The following SLCO5A1 variants were observed in gnomAD, a reference collection of about 807,000 sequenced individuals.
SLCO5A1 encodes solute carrier organic anion transporter family member 5A1.
In SLCO5A1, 39 loss-of-function variants were observed where a neutral mutation model predicts 65.1. That is an observed-to-expected ratio of 0.60 (90% CI 0.46 to 0.78). SLCO5A1 has a LOEUF of 0.78. Ranked by LOEUF, SLCO5A1 falls within the 30% of genes least tolerant of loss-of-function variation. SLCO5A1 has a pLI of 0.00. For missense variants in SLCO5A1, 1,029 were observed against 1,069.4 expected, an observed-to-expected ratio of 0.96 and a Z score of 0.53; for synonymous variants, 438 against 415.7, an observed-to-expected ratio of 1.05 and a Z score of -0.65.
rs184362810 is a variant in SLCO5A1 at position 69,673,014 on chromosome 8, T to C, written c.2402A>G (p.Gln801Arg). Residue 801 changes from glutamine (Q) to arginine (R), a missense_variant, in exon 10 of 10, where the codon CAG becomes CGG. By Grantham distance (43) the Gln-to-Arg change is conservative (BLOSUM62 1). Coordinates refer to ENST00000260126, the MANE Select transcript of SLCO5A1 (RefSeq NM_030958.3). Reference sequence around the variant, plus strand: ...GCCAGTCTCTTCGTGGAATTCTCCCTGGGTGCTGAAAGCTGGGCAAGATCT... The same window carrying C: ...GCCAGTCTCTTCGTGGAATTCTCCCCGGGTGCTGAAAGCTGGGCAAGATCT... ...RTRSCPAFST[Q>R]GEFHEETGLQ... 2.5e-5 allele frequency: 41 copies of C among 1,614,090 alleles called. No individual in the cohort carries two copies. Among genetic ancestry groups the C allele is most frequent in the Non-Finnish European group, 3.3e-5 (39 of 1,180,046 alleles).
intron 2 of SLCO5A1, among the ~76,000 whole-genome samples, chr8:69,767,919 A>AAAAAAG (rs1563712367): frequency 1.1e-5 from 1 of 90,694 alleles, no homozygotes; most frequent in Non-Finnish European, 2.0e-5. Flanking sequence ...AAACAAAAAG[A>AAAAAAG]AAAAGAAAAA....
chr8:69,690,657 A>G (rs1814221982), intron 6 of SLCO5A1, among the ~76,000 whole-genome samples: 1 of 152,224 alleles, frequency 6.6e-6, no homozygotes, highest in African/African-American at 2.4e-5. Context: ...TAATTTCTAT[A>G]GTCTGAATAC....
At chr8:69,741,499 G>A (rs755713385) in intron 4 of SLCO5A1, among the ~76,000 whole-genome samples, 3 of 152,082 alleles carry the variant, frequency 2.0e-5, no homozygotes, top group Non-Finnish European at 4.4e-5. Flanking sequence ...ACAAATAATA[G>A]GTGTCAAATG....
intron 5 of SLCO5A1, among the ~76,000 whole-genome samples, chr8:69,725,675 T>C (rs1244255026): frequency 2.0e-5 from 3 of 152,162 alleles, no homozygotes; most frequent in Non-Finnish European, 4.4e-5. Flanking sequence ...CTAATTCAAA[T>C]CCTCATTGTA....
intron 2 of SLCO5A1, among the ~76,000 whole-genome samples, chr8:69,795,453 A>G (rs1424482140): frequency 6.6e-6 from 1 of 152,250 alleles, no homozygotes; most frequent in Non-Finnish European, 1.5e-5. Flanking sequence ...CCAGCAAGGC[A>G]GTCATTAAAT....
chr8:69,726,494 T>TC (rs148354530), intron 5 of SLCO5A1, among the ~76,000 whole-genome samples: 12,767 of 131,658 alleles, frequency 0.097, 841 homozygotes, highest in African/African-American at 0.13. Flanking sequence ...TTTTCCTACC[T>TC]CCTTTTTTTT....
intron 5 of SLCO5A1, among the ~76,000 whole-genome samples, chr8:69,706,908 G>T (rs1018036989): frequency 6.6e-6 from 1 of 152,196 alleles, no homozygotes; most frequent in African/African-American, 2.4e-5. Context: ...AGCACTTTGG[G>T]AGGCCGAGGC....
At position 69,755,652 on chromosome 8, in the gene SLCO5A1, G is replaced by A. The variant is rs1400398210; in HGVS notation, c.1041-11C>T. On this transcript the variant is annotated splice_polypyrimidine_tract_variant and intron_variant, in intron 3 of 9. Transcript: ENST00000260126. ...AGGAATCCACTCCACCTAAAAAATTGGAAAATGTGAATAGCATTTACGTCT... is the reference window on the plus strand; with the variant it reads ...AGGAATCCACTCCACCTAAAAAATTAGAAAATGTGAATAGCATTTACGTCT... 1.2e-6 allele frequency: 2 copies of A among 1,602,048 alleles called. No individual in the cohort carries two copies. Among genetic ancestry groups the A allele is most frequent in the African/African-American group, 1.3e-5 (1 of 74,254 alleles).
intron 4 of SLCO5A1, among the ~76,000 whole-genome samples, chr8:69,744,544 A>G (rs1163266732): frequency 6.6e-6 from 1 of 152,156 alleles, no homozygotes; most frequent in Admixed American, 6.5e-5. Flanking sequence ...CTAGTCATCA[A>G]TTCTTAGGTA....
intron 5 of SLCO5A1, among the ~76,000 whole-genome samples, chr8:69,734,522 C>T (rs557590174): frequency 6.6e-6 from 1 of 152,302 alleles, no homozygotes; most frequent in Admixed American, 6.5e-5. Context: ...TCTCTCTCCT[C>T]TTAGATGTGT....
At chr8:69,774,420 G>A (rs535061732) in intron 2 of SLCO5A1, among the ~76,000 whole-genome samples, 9 of 152,142 alleles carry the variant, frequency 5.9e-5, no homozygotes, top group Non-Finnish European at 1.3e-4. Flanking sequence ...GGTTTGCTGG[G>A]TCCTCAGAGC....
intron 4 of SLCO5A1, among the ~76,000 whole-genome samples, chr8:69,747,964 G>A (rs1817113350): frequency 6.6e-6 from 1 of 152,118 alleles, no homozygotes; most frequent in Admixed American, 6.6e-5. Context: ...CTTATCATAT[G>A]CAACATGGCC....
At chr8:69,699,635 G>T (rs1175135080) in intron 6 of SLCO5A1, among the ~76,000 whole-genome samples, 1 of 152,152 alleles carries the variant, frequency 6.6e-6, no homozygotes, top group Non-Finnish European at 1.5e-5. Flanking sequence ...CCAGAAATTT[G>T]AGCAGAGCTG....
At chr8:69,827,048 C>T (rs1820952822) in intron 2 of SLCO5A1, among the ~76,000 whole-genome samples, 1 of 149,110 alleles carries the variant, frequency 6.7e-6, no homozygotes, top group African/African-American at 2.5e-5. Context: ...ATCGCAAGAA[C>T]AAGAAACCAA....
At chr8:69,753,445 C>A (rs1817408316) in intron 4 of SLCO5A1, among the ~76,000 whole-genome samples, 1 of 152,146 alleles carries the variant, frequency 6.6e-6, no homozygotes, top group Non-Finnish European at 1.5e-5. Flanking sequence ...AGTTGGTGGA[C>A]CTCTGCCATG....
chr8:69,700,132 A>G (rs1249347858), intron 6 of SLCO5A1: 1 of 152,282 alleles, frequency 6.6e-6, no homozygotes, highest in East Asian at 1.9e-4. Context: ...AAAGAATTCA[A>G]CAGAGGACTT....
chr8:69,774,024 T>C (rs1242363720), intron 2 of SLCO5A1, among the ~76,000 whole-genome samples: 1 of 152,254 alleles, frequency 6.6e-6, no homozygotes, highest in Admixed American at 6.5e-5. Context: ...TTGTTCATTA[T>C]CTGCCTCTCC....
rs568997422 is a variant in SLCO5A1 at position 69,717,698 on chromosome 8, A to G, written c.1424-12469T>C. Among the ~76,000 whole-genome samples the G allele has an allele frequency of 5.8e-4, 88 of 152,358 alleles. 1 individual carries two copies. The Middle Eastern group carries it at 0.024, about 41-fold the overall frequency. ...ATAGATCAATTTAGGAAATATTGAC[A>G]TCCTAATAATATTAAGTCTTCCAAT... On this transcript the variant is annotated intron_variant, in intron 5 of 9. Transcript: ENST00000260126.
intron 6 of SLCO5A1, among the ~76,000 whole-genome samples, chr8:69,695,934 G>A (rs1814478720): frequency 6.6e-6 from 1 of 152,170 alleles, no homozygotes. Flanking sequence ...GAAGAAATGG[G>A]TTTAAAAATA....
Sources: allele counts gnomAD v4.1 joint callset (sites outside exome capture counted in the v4.1 genomes callset), GRCh38; gene constraint gnomAD v4.1.1; transcripts MANE v1.5; gene names NCBI Gene and HGNC (gene_info 2026-07-23, HGNC 2026-07-21).